SLC6A2: variants seen among roughly 807,000 people sequenced by gnomAD.
SLC6A2 encodes sodium-dependent noradrenaline transporter.
Under a neutral mutation model 71.7 loss-of-function variants are expected in SLC6A2, and 26 were observed. The ratio of observed to expected loss-of-function variants is 0.36; its 90% CI spans 0.27 to 0.50. The LOEUF is 0.50. Ranked by LOEUF, SLC6A2 falls within the 20% of genes least tolerant of loss-of-function variation. The pLI, the probability that SLC6A2 is intolerant of heterozygous loss-of-function variation, is 0.96. For synonymous variants in SLC6A2, 363 were observed against 337.9 expected (o/e 1.07, Z -0.82); for missense variants, 581 against 803.9 (o/e 0.72, Z 3.35).
rs376160882 is a variant in SLC6A2, at chr16:55,672,008, A to G, written c.477A>G (p.Ser159=). Residue 159 remains serine (S), a synonymous_variant, in exon 4 of 15, where the codon TCA becomes TCG. Transcript: ENST00000568943. The stretch of plus-strand genomic sequence containing the variant: ...ACTACAACGTCATCATCGCCTGGTC[A>G]CTCTACTACCTCTTCTCCTCCTTCA... ...GFYYNVIIAW[S]LYYLFSSFTL... is the part of the protein sequence containing the mutation. 19 of 1,613,682 alleles carry G rather than the reference A, an allele frequency of 1.2e-5. No individual in the cohort carries two copies. Among genetic ancestry groups the G allele is most frequent in the Non-Finnish European group, 1.6e-5 (19 of 1,179,958 alleles).
intron 12 of SLC6A2, among the ~76,000 whole-genome samples, chr16:55,699,891 A>G (rs1212250435): frequency 6.6e-6 from 1 of 151,782 alleles, no homozygotes; most frequent in Non-Finnish European, 1.5e-5. Context: ...CTCCAAAGTC[A>G]CCTTCTGTTC....
In SLC6A2 at chr16:55,702,389, G is replaced by A. The variant is rs757761902; in HGVS notation, c.*43G>A. On this transcript the variant is annotated 3_prime_UTR_variant, in exon 15 of 15. Coordinates refer to ENST00000568943, the MANE Select transcript of SLC6A2 (RefSeq NM_001172501.3). ...GGAGGAACCCCCATGCCAATGTCCA[G>A]GTCACAGGCATCCGCTGCGCTCCCA... 1 of 1,614,180 alleles carries A rather than the reference G, an allele frequency of 6.2e-7. No homozygotes were observed. Among genetic ancestry groups the A allele is most frequent in the South Asian group, 1.1e-5 (1 of 91,088 alleles).
At chr16:55,694,214 C>T in intron 7 of SLC6A2, 101 bp downstream of exon 7, 1 of 865,108 alleles carries the variant, frequency 1.2e-6, no homozygotes, top group Non-Finnish European at 2.0e-6. Context: ...TCTCCCTGGG[C>T]AAGCCAAATT....
At chr16:55,668,050 A>C (rs893069196) in intron 2 of SLC6A2, among the ~76,000 whole-genome samples, 3 of 151,958 alleles carry the variant, frequency 2.0e-5, no homozygotes, top group African/African-American at 7.3e-5. Context: ...TACACAGGAG[A>C]TGTTCATTTC....
At chr16:55,683,348 A>G (rs1013961287) in intron 4 of SLC6A2, among the ~76,000 whole-genome samples, 1 of 152,214 alleles carries the variant, frequency 6.6e-6, no homozygotes, top group African/African-American at 2.4e-5. Context: ...GCAGTGGCTC[A>G]TGCCTGTAAT....
chr16:55,705,156 C>A lies in SLC6A2; in HGVS notation c.*2810C>A. On this transcript the variant is annotated 3_prime_UTR_variant, in exon 15 of 15. Transcript: ENST00000568943. ...ATGTAAAATATCAGTTTGAGAACAT[C>A]ACATTTACGTCTACTCAATGTCTAG... is the stretch of plus-strand genomic sequence containing the variant. 1.7e-6 allele frequency: 2 copies of A among 1,145,374 alleles called. No individual in the cohort carries two copies. Among genetic ancestry groups the A allele is most frequent in the Non-Finnish European group, 2.5e-6 (2 of 797,368 alleles). The allele number at this position is 1,145,374 out of a possible 1,614,324, so 71.0% of individuals were successfully genotyped here.
At chr16:55,672,425 A>G (rs1181747151) in intron 4 of SLC6A2, among the ~76,000 whole-genome samples, 2 of 152,136 alleles carry the variant, frequency 1.3e-5, no homozygotes, top group Non-Finnish European at 2.9e-5. Flanking sequence ...CAGGTAAGGG[A>G]GTGAGAATGT....
intron 5 of SLC6A2, among the ~76,000 whole-genome samples, chr16:55,690,693 AT>A (rs1269872243): frequency 6.6e-6 from 1 of 152,040 alleles, no homozygotes; most frequent in Non-Finnish European, 1.5e-5. Flanking sequence ...TGGCTGCACA[AT>A]TTTATCATCT....
At position 55,702,757 on chromosome 16, in the gene SLC6A2, A is replaced by AC. The variant is rs1317226876; in HGVS notation, c.*411_*412insC. On this transcript the variant is annotated 3_prime_UTR_variant, in exon 15 of 15. Transcript: ENST00000568943. ...ATCAGATACCCCTCCCAAAAAAAAA[A>AC]AAAACTAAAACTAAAGCAAAAATCA... is the stretch of plus-strand genomic sequence containing the variant. 12 of 1,053,042 alleles carry AC rather than the reference A, an allele frequency of 1.1e-5. No individual in the cohort carries two copies. The Admixed American group carries it at 2.0e-4, about 17-fold the overall frequency. 65.2% of individuals were successfully genotyped at this position (1,053,042 alleles called of 1,614,324 possible).
At chr16:55,697,264 T>C (rs1406480697) in intron 9 of SLC6A2, among the ~76,000 whole-genome samples, 1 of 152,188 alleles carries the variant, frequency 6.6e-6, no homozygotes, top group African/African-American at 2.4e-5. Context: ...TGAAGAATAC[T>C]GATTTTGATT....
chr16:55,697,119 T>G (rs761004369), intron 9 of SLC6A2, among the ~76,000 whole-genome samples: 4 of 152,242 alleles, frequency 2.6e-5, no homozygotes, highest in Non-Finnish European at 5.9e-5. Context: ...TAGTACCTCA[T>G]GCCTGGACAT....
At chr16:55,683,634 A>G (rs1330097731) in intron 4 of SLC6A2, among the ~76,000 whole-genome samples, 2 of 132,112 alleles carry the variant, frequency 1.5e-5, no homozygotes, top group African/African-American at 5.4e-5. Flanking sequence ...ACAAACAAAC[A>G]AACGAAACAA....
chr16:55,663,960 A>T (rs1964678981), intron 2 of SLC6A2, among the ~76,000 whole-genome samples: 1 of 152,176 alleles, frequency 6.6e-6, no homozygotes, highest in South Asian at 2.1e-4. Context: ...ACCGAGAAGA[A>T]TCTGAACAGA....
In SLC6A2 at chr16:55,656,330, T is replaced by G; in HGVS notation, c.-52+161T>G. The stretch of plus-strand genomic sequence containing the variant: ...TCGCGGACCTGAGCTGGGGAGGGGG[T>G]CGGCACGCTGCCCTCAGCCTCGGTG... On this transcript the variant is annotated intron_variant, in intron 1 of 14. Coordinates refer to ENST00000568943, the MANE Select transcript of SLC6A2 (RefSeq NM_001172501.3). This position sits in a 1 kb window ranked among gnomAD's most constrained non-coding sequence, Gnocchi z 4.5. 29 of 353,246 alleles carry G rather than the reference T, an allele frequency of 8.2e-5. No homozygotes were observed. The highest frequency in any genetic ancestry group is 1.4e-4 in the South Asian group (5 of 35,944). 21.9% of individuals were successfully genotyped at this position (353,246 alleles called of 1,614,324 possible). A position where few individuals can be genotyped will look rare whatever the true frequency, so the allele number is the denominator to read the frequency against.
chr16:55,698,034 G>T lies in SLC6A2; in HGVS notation c.1389+9G>T, dbSNP rs998424. 5.6e-6 allele frequency: 9 copies of T among 1,613,790 alleles called. No individual in the cohort carries two copies. The highest frequency in any genetic ancestry group is 7.6e-6 in the Non-Finnish European group (9 of 1,179,920). On this transcript the variant is annotated intron_variant, in intron 10 of 14. Coordinates refer to ENST00000568943, the MANE Select transcript of SLC6A2 (RefSeq NM_001172501.3). ...TGTTCTGCATAACCAAGGTGAGTAGGGGCTGGGCTCTGGGTCACCTGGGGG... is the reference window on the plus strand; with the variant it reads ...TGTTCTGCATAACCAAGGTGAGTAGTGGCTGGGCTCTGGGTCACCTGGGGG...
rs375913886 is a variant in SLC6A2, at chr16:55,701,948, A to C, written c.1830+14A>C. On this transcript the variant is annotated intron_variant, in intron 14 of 14. Transcript: ENST00000568943. The stretch of plus-strand genomic sequence containing the variant: ...AGACAGTTCCAGGTGGGTGAAGCCT[A>C]GACCCCTGGGGTGGAGATTACAAGG... The C allele has an allele frequency of 6.9e-6, 11 of 1,604,940 alleles. No individual in the cohort carries two copies. The African/African-American group carries it at 1.5e-4, about 21-fold the overall frequency.
intron 4 of SLC6A2, among the ~76,000 whole-genome samples, chr16:55,683,918 G>A (rs1965362897): frequency 1.3e-5 from 2 of 152,126 alleles, no homozygotes; most frequent in Non-Finnish European, 2.9e-5. Flanking sequence ...TATGACTGGA[G>A]TCAGACGGAA....
Position 55,703,461 on chromosome 16 carries a change from G to A in SLC6A2, c.*1115G>A. ...TGTGGCACCTTGGAGGGCAGGGTGA[G>A]ACAAGCAGCCCAGAAATACTCTCTC... On this transcript the variant is annotated 3_prime_UTR_variant, in exon 15 of 15. Coordinates refer to ENST00000568943, the MANE Select transcript of SLC6A2 (RefSeq NM_001172501.3). 1.0e-6 allele frequency: 1 copy of A among 985,486 alleles called. No individual in the cohort carries two copies. Among genetic ancestry groups the A allele is most frequent in the South Asian group, 4.7e-5 (1 of 21,286 alleles). The allele number at this position is 985,486 out of a possible 1,614,324, so 61.0% of individuals were successfully genotyped here.
Position 55,703,860 on chromosome 16 carries a change from C to T in SLC6A2, c.*1514C>T. The stretch of plus-strand genomic sequence containing the variant: ...CTGCATGAAGAGGATTATGAGGGGA[C>T]CAGGGTGGGGCAGGGAGATGGTTTT... On this transcript the variant is annotated 3_prime_UTR_variant, in exon 15 of 15. Coordinates refer to ENST00000568943, the MANE Select transcript of SLC6A2 (RefSeq NM_001172501.3). 1 of 962,128 alleles carries T rather than the reference C, an allele frequency of 1.0e-6. No homozygotes were observed. Among genetic ancestry groups the T allele is most frequent in the South Asian group, 4.8e-5 (1 of 20,798 alleles). 59.6% of individuals were successfully genotyped at this position (962,128 alleles called of 1,614,324 possible).
Sources: allele counts gnomAD v4.1 joint callset (sites outside exome capture counted in the v4.1 genomes callset), GRCh38; gene constraint gnomAD v4.1.1; non-coding constraint Gnocchi (gnomAD v3.1); transcripts MANE v1.5; gene names NCBI Gene and HGNC (gene_info 2026-07-23, HGNC 2026-07-21).